Variants in CCDC180 observed in about 807,000 individuals in gnomAD.
CCDC180 encodes coiled-coil domain-containing protein 180.
CCDC180 carries 154 observed loss-of-function variants against 209.2 expected under a neutral mutation model. That is an observed-to-expected ratio of 0.74 (90% CI 0.65 to 0.84). CCDC180 has a LOEUF of 0.84. Ranked by LOEUF, CCDC180 falls within the 40% of genes least tolerant of loss-of-function variation. The pLI is 0.00. For synonymous variants in CCDC180, 778 were observed against 749.1 expected, an observed-to-expected ratio of 1.04 and a Z score of -0.63; for missense variants, 1,874 against 1,997.3, an observed-to-expected ratio of 0.94 and a Z score of 1.18.
At chr9:97,375,707 T>C in intron 36 of CCDC180, 118 bp downstream of exon 36, 1 of 1,233,384 alleles carries the variant, frequency 8.1e-7, no homozygotes, top group South Asian at 1.4e-5. Flanking sequence ...AGGCAACACA[T>C]GTCAGCACAC....
intron 11 of CCDC180, among the ~76,000 whole-genome samples, chr9:97,321,123 G>A (rs964223164): frequency 1.1e-4 from 16 of 152,166 alleles, no homozygotes; most frequent in African/African-American, 3.9e-4. Context: ...TTGCCGAACT[G>A]TAGGCTAATG....
chr9:97,374,969 C>T (rs1564180330), intron 35 of CCDC180, among the ~76,000 whole-genome samples: 2 of 152,198 alleles, frequency 1.3e-5, no homozygotes, highest in African/African-American at 2.4e-5. Context: ...TCTTGGGTCA[C>T]TGCTGGCATT....
intron 19 of CCDC180, among the ~76,000 whole-genome samples, chr9:97,343,922 T>C (rs7029749): frequency 0.3 from 45,091 of 152,036 alleles, 7,340 homozygotes; most frequent in African/African-American, 0.42. Flanking sequence ...TCTATAGATA[T>C]ACACCATAAA....
At position 97,330,699 on chromosome 9, in the gene CCDC180, G is replaced by A; in HGVS notation, c.2206G>A (p.Glu736Lys). 6.2e-7 allele frequency: 1 copy of A among 1,609,090 alleles called. No individual in the cohort carries two copies. Among genetic ancestry groups the A allele is most frequent in the South Asian group, 1.1e-5 (1 of 90,990 alleles). ...TGAGAAGGAGGAAGAGGAGGAGGAG[G>A]AGAAGCTGGAGGAAGAGAAGGAGGA... ...EDEKEEEEEE[E>K]KLEEEKEEKE... Residue 736 changes from glutamate (E) to lysine (K), a missense_variant, in exon 18 of 37, where the codon GAG becomes AAG. By Grantham distance (56) the Glu-to-Lys change is moderately conservative (BLOSUM62 1). Coordinates refer to ENST00000529487, the MANE Select transcript of CCDC180 (RefSeq NM_020893.6).
chr9:97,314,906 T>G lies in CCDC180; in HGVS notation c.755T>G (p.Met252Arg). 6.2e-7 allele frequency: 1 copy of G among 1,614,154 alleles called. No homozygotes were observed. The highest frequency in any genetic ancestry group is 8.5e-7 in the Non-Finnish European group (1 of 1,180,008). The change falls in exon 8 of 37, where the codon ATG becomes AGG. Residue 252 changes from methionine (M) to arginine (R), a missense_variant. Physicochemically the swap from Met to Arg is moderately conservative, Grantham distance 91. Transcript: ENST00000529487. ...AEVIEKTSYL[M>R]RPEVYRLINE... ...GTCATAGAGAAAACTTCCTACCTCA[T>G]GCGGCCCGAAGTGTACAGGCTGATA...
In CCDC180 at chr9:97,354,930, T is replaced by C; in HGVS notation, c.3186T>C (p.His1062=). 2 of 1,614,182 alleles carry C rather than the reference T, an allele frequency of 1.2e-6. No individual in the cohort carries two copies. The highest frequency in any genetic ancestry group is 1.7e-6 in the Non-Finnish European group (2 of 1,179,980). Residue 1062 remains histidine (H), a synonymous_variant, in exon 24 of 37, where the codon CAT becomes CAC. Coordinates refer to ENST00000529487, the MANE Select transcript of CCDC180 (RefSeq NM_020893.6). ...TCAACAAGTTTGAAAGCAAATTCCA[T>C]AACCTGTCTGTGGACCTTATTTTCA... ...DVINKFESKF[H]NLSVDLIFIE...
chr9:97,328,782 AC>A (rs2118673201), intron 16 of CCDC180, among the ~76,000 whole-genome samples: 1 of 152,310 alleles, frequency 6.6e-6, no homozygotes, highest in African/African-American at 2.4e-5. Flanking sequence ...AGAGCTCTGA[AC>A]TTTTTTGTGC....
chr9:97,326,245 A>G lies in CCDC180; in HGVS notation c.1546-309A>G, dbSNP rs1007163751. Among the ~76,000 whole-genome samples the G allele has an allele frequency of 3.9e-5, 6 of 152,208 alleles. No homozygotes were observed. In the East Asian group the frequency reaches 5.8e-4, roughly 15 times the overall value. On this transcript the variant is annotated intron_variant, in intron 14 of 36. Transcript: ENST00000529487. ...ACTGGTGAGAAGAAGAGCGAGGAGC[A>G]GGTGTAGTGCAGGCCTGACCAGGTG...
Position 97,354,622 on chromosome 9 carries a change from C to G in CCDC180, c.3056C>G (p.Ser1019Cys). ...CCTAAAGAAATCAATTCACTGTGTT[C>G]CCGACTGGAGAAGGAAGCTGCCCGG... ...FSPKEINSLC[S>C]RLEKEAARIE... The change falls in exon 23 of 37, where the codon TCC (serine) becomes TGC (cysteine). Residue 1019 changes from serine to cysteine, a missense_variant. Coordinates refer to ENST00000529487, the MANE Select transcript of CCDC180 (RefSeq NM_020893.6). The G allele has an allele frequency of 6.2e-7, 1 of 1,614,144 alleles. No individual in the cohort carries two copies. Among genetic ancestry groups the G allele is most frequent in the Non-Finnish European group, 8.5e-7 (1 of 1,179,994 alleles).
intron 8 of CCDC180, 135 bp from the exon 9 acceptor site, chr9:97,316,930 C>G: frequency 1.3e-6 from 1 of 767,838 alleles, no homozygotes; most frequent in Non-Finnish European, 2.1e-6. Context: ...CCCCTTCAGG[C>G]CCTGCAACCA....
intron 9 of CCDC180, among the ~76,000 whole-genome samples, 161 bp downstream of exon 9, chr9:97,317,389 A>C (rs1392629876): frequency 6.6e-6 from 1 of 152,202 alleles, no homozygotes; most frequent in Non-Finnish European, 1.5e-5. Context: ...GAATAAATTA[A>C]AAATCACCAC....
intron 32 of CCDC180, 25 bp from the exon 33 acceptor site, chr9:97,370,616 T>G (rs762035890): frequency 1.2e-6 from 2 of 1,611,080 alleles, no homozygotes; most frequent in South Asian, 2.2e-5. Context: ...ACATTGCCAC[T>G]GAATTCTGGA....
chr9:97,373,379 A>AT (rs1827155649), intron 34 of CCDC180: 1 of 152,268 alleles, frequency 6.6e-6, no homozygotes, highest in Non-Finnish European at 1.5e-5. Flanking sequence ...GAAAATCAGT[A>AT]TAAACCAAGA....
At chr9:97,318,348 T>G (rs1587786353) in intron 9 of CCDC180, 115 bp from the exon 10 acceptor site, 15 of 1,166,894 alleles carry the variant, frequency 1.3e-5, no homozygotes, top group Non-Finnish European at 1.5e-5. Context: ...CTGGGGGTGG[T>G]GTTAGGGAAG....
rs749983489 is a variant in CCDC180 at position 97,366,547 on chromosome 9, CCT to C, written c.4048-7_4048-6del. On this transcript the variant is annotated splice_polypyrimidine_tract_variant and intron_variant, in intron 30 of 36. Coordinates refer to ENST00000529487, the MANE Select transcript of CCDC180 (RefSeq NM_020893.6). This position sits in a 1 kb window ranked among gnomAD's most constrained non-coding sequence, Gnocchi z 4.3. The stretch of plus-strand genomic sequence containing the variant: ...GGAGTCCTCACCCGCACATGGTCAC[CCT>C]CTCTGGCAGGAGTTCTACCGTAAAG... 605 of 1,613,340 alleles carry C rather than the reference CCT, an allele frequency of 3.7e-4. 1 individual carries two copies. Among genetic ancestry groups the C allele is most frequent in the Admixed American group, 5.7e-4 (34 of 59,894 alleles).
intron 3 of CCDC180, among the ~76,000 whole-genome samples, chr9:97,309,817 G>C (rs1462431410): frequency 1.3e-5 from 2 of 152,178 alleles, no homozygotes; most frequent in African/African-American, 4.8e-5. Context: ...AAGTGCCTAG[G>C]ACCAGGCACT....
Position 97,330,787 on chromosome 9 carries a change from AT to A in CCDC180, c.2274+22del, listed in dbSNP as rs1044555722. On this transcript the variant is annotated intron_variant, in intron 18 of 36. Transcript: ENST00000529487. ...GGTGAGGTAAGCCAGCAACTGATTC[AT>A]TCTTGGGCATAGAGAAAGTTTGCTA... 1 of 1,576,556 alleles carries A rather than the reference AT, an allele frequency of 6.3e-7. No individual in the cohort carries two copies. Among genetic ancestry groups the A allele is most frequent in the African/African-American group, 1.3e-5 (1 of 74,144 alleles).
chr9:97,345,153 TG>T (rs1327746080), intron 19 of CCDC180, among the ~76,000 whole-genome samples: 14 of 152,354 alleles, frequency 9.2e-5, no homozygotes, highest in African/African-American at 3.1e-4. Flanking sequence ...AATGTTGCTC[TG>T]AACATTCTTG....
Position 97,366,726 on chromosome 9 carries a change from G to A in CCDC180, c.4189+26G>A, listed in dbSNP as rs528188653. 16 of 1,612,512 alleles carry A rather than the reference G, an allele frequency of 9.9e-6. No individual in the cohort carries two copies. In the South Asian group the frequency reaches 1.4e-4, roughly 14 times the overall value. On this transcript the variant is annotated intron_variant, in intron 31 of 36. Transcript: ENST00000529487. This position sits in a 1 kb window ranked among gnomAD's most constrained non-coding sequence, Gnocchi z 4.3. ...GTGAGTATAGGCAGCAGGAAGGCAC[G>A]GGGAACAGGGCGGGGCGCGAAGCCA...
Sources: gnomAD v4.1 joint callset for allele counts (sites outside exome capture counted in the v4.1 genomes callset) on GRCh38, gnomAD v4.1.1 for gene constraint, Gnocchi (gnomAD v3.1) non-coding constraint, MANE v1.5 for transcripts, NCBI Gene and HGNC (gene_info 2026-07-23, HGNC 2026-07-21) for gene names.